Variants in BAHCC1 observed in about 807,000 individuals in gnomAD.
The protein encoded by BAHCC1 is BAH domain and coiled-coil containing 1.
Under a neutral mutation model 88.2 loss-of-function variants are expected in BAHCC1, and 43 were observed. The ratio of observed to expected loss-of-function variants is 0.49; its 90% CI spans 0.38 to 0.63. The LOEUF (loss-of-function observed/expected upper bound fraction) is 0.63, where lower values mean the gene tolerates loss of function less well. Among genes scored for constraint, BAHCC1 ranks in the 20% least tolerant of loss-of-function variants. The pLI is 0.00. For missense variants in BAHCC1, 3,023 were observed against 1,654.8 expected (o/e 1.83, Z -14.34); for synonymous variants, 1,510 against 745.5 (o/e 2.03, Z -16.71).
At position 81,461,171 on chromosome 17, in the gene BAHCC1, G is replaced by C; in HGVS notation, c.6508G>C (p.Gly2170Arg). ...SLASSYAPFVGGTGPGLPRGA... is the reference protein window; with the variant it reads ...SLASSYAPFVRGTGPGLPRGA... ...GGCCAGCTCCTACGCGCCCTTCGTC[G>C]GGGGGACCGGGCCGGGCCTCCCCAG... The change falls in exon 26 of 28, where the codon GGG (glycine) becomes CGG (arginine). Residue 2170 changes from glycine (G) to arginine (R), a missense_variant. Gly to Arg is a moderately radical substitution (Grantham distance 125). Transcript: ENST00000675386. 1.3e-6 allele frequency: 1 copy of C among 751,030 alleles called. No homozygotes were observed. The highest frequency in any genetic ancestry group is 2.4e-6 in the Non-Finnish European group (1 of 409,660). 46.5% of individuals were successfully genotyped at this position (751,030 alleles called of 1,614,324 possible).
chr17:81,426,653 G>T, intron 2 of BAHCC1, 147 bp from the exon 3 acceptor site: 1 of 397,882 alleles, frequency 2.5e-6, no homozygotes, highest in Non-Finnish European at 4.4e-6. Flanking sequence ...CCCATCATCG[G>T]TTTCTTGGAT....
chr17:81,438,835 C>T lies in BAHCC1; in HGVS notation c.481+343C>T, dbSNP rs150272279. The stretch of plus-strand genomic sequence containing the variant: ...CCTTGCCCTGCAGCCCCCAGCAGCC[C>T]GGGGATGGTGGGGTGGCTCAGGAGG... On this transcript the variant is annotated intron_variant, in intron 4 of 27. Coordinates refer to ENST00000675386, the MANE Select transcript of BAHCC1 (RefSeq NM_001377448.1). Among the ~76,000 whole-genome samples, 1,146 of 152,134 alleles carry T rather than the reference C, an allele frequency of 7.5e-3. 4 individuals are homozygous for T. The highest frequency in any genetic ancestry group is 0.013 in the Non-Finnish European group (886 of 67,982).
chr17:81,437,389 C>T (rs946118180), intron 3 of BAHCC1, among the ~76,000 whole-genome samples: 3 of 152,140 alleles, frequency 2.0e-5, no homozygotes, highest in Non-Finnish European at 4.4e-5. Context: ...TGCCAGTGGC[C>T]TGGGGTCTTG....
intron 2 of BAHCC1, chr17:81,415,469 T>C (rs782045343): frequency 1.4e-5 from 7 of 493,052 alleles, no homozygotes; most frequent in South Asian, 1.0e-4. Flanking sequence ...CCCATGTGGT[T>C]GGAGCCAGCT....
chr17:81,410,949 T>C (rs1406783838), intron 2 of BAHCC1, among the ~76,000 whole-genome samples: 1 of 151,834 alleles, frequency 6.6e-6, no homozygotes, highest in South Asian at 2.1e-4. Flanking sequence ...CCAGGGCGGG[T>C]CTCAGACCTC....
chr17:81,414,021 G>C (rs1364007400), intron 2 of BAHCC1, among the ~76,000 whole-genome samples: 1 of 152,230 alleles, frequency 6.6e-6, no homozygotes, highest in East Asian at 1.9e-4. Flanking sequence ...GCTGGCCCTG[G>C]ACCTGGCCTG....
intron 3 of BAHCC1, among the ~76,000 whole-genome samples, chr17:81,431,336 G>A (rs1028308585): frequency 7.4e-6 from 1 of 135,586 alleles, no homozygotes; most frequent in Admixed American, 6.9e-5. Flanking sequence ...CCCCCAGCCC[G>A]CTGAGACTTT....
chr17:81,409,382 C>T (rs1004691832), intron 2 of BAHCC1, among the ~76,000 whole-genome samples: 1 of 152,142 alleles, frequency 6.6e-6, no homozygotes, highest in Non-Finnish European at 1.5e-5. Flanking sequence ...GCTGGAGCTG[C>T]GCCGGCTGAG....
rs2064726279 is a variant in BAHCC1 at position 81,455,264 on chromosome 17, C to T, written c.4446-3C>T. The T allele has an allele frequency of 2.8e-6, 2 of 714,878 alleles. No individual in the cohort carries two copies. The highest frequency in any genetic ancestry group is 3.0e-5 in the South Asian group (2 of 67,600). 44.3% of individuals were successfully genotyped at this position (714,878 alleles called of 1,614,324 possible). A position where few individuals can be genotyped will look rare whatever the true frequency, so the allele number is the denominator to read the frequency against. ...CCCTGCACCCACCACCCCATGCCCC[C>T]AGGGCGGTGCGGACAAGCCTGGGTC... On this transcript the variant is annotated splice_region_variant and splice_polypyrimidine_tract_variant and intron_variant, in intron 14 of 27. Transcript: ENST00000675386.
intron 2 of BAHCC1, among the ~76,000 whole-genome samples, chr17:81,412,627 C>A (rs2063968427): frequency 6.6e-6 from 1 of 152,204 alleles, no homozygotes; most frequent in Non-Finnish European, 1.5e-5. Context: ...TCTGGAGTCA[C>A]CGACTCTCCC....
In BAHCC1 at chr17:81,461,632, G is replaced by A. The variant is rs781886623; in HGVS notation, c.6969G>A (p.Ser2323=). Residue 2323 remains serine, a synonymous_variant, in exon 26 of 28, where the codon TCG becomes TCA. Coordinates refer to ENST00000675386, the MANE Select transcript of BAHCC1 (RefSeq NM_001377448.1). ...CCGTGTCCTCTTCCTCCTCTGGCTC[G>A]TCCACCTCCTCCTCCTCAGGCTCCG... ...RLSVSSSSSG[S]STSSSSGSVS... is the part of the protein sequence containing the mutation. 6.8e-6 allele frequency: 5 copies of A among 738,768 alleles called. No individual in the cohort carries two copies. The highest frequency in any genetic ancestry group is 2.5e-5 in the East Asian group (1 of 39,420). The allele number at this position is 738,768 out of a possible 1,614,324, so 45.8% of individuals were successfully genotyped here.
Position 81,395,496 on chromosome 17 carries a change from C to A in BAHCC1, c.-346C>A, listed in dbSNP as rs1555644759. On this transcript the variant is annotated 5_prime_UTR_variant, in exon 1 of 28. It introduces an in-frame stop codon into an upstream open reading frame of the 5' UTR. Transcript: ENST00000675386. ...GTTTGAGAGCCGCTCTGGATGGGCTCGCTAGAGTCGTTGTTGTGGAAGCGG... is the reference window on the plus strand; with the variant it reads ...GTTTGAGAGCCGCTCTGGATGGGCTAGCTAGAGTCGTTGTTGTGGAAGCGG... 2 of 152,214 alleles carry A rather than the reference C, an allele frequency of 1.3e-5. No individual in the cohort carries two copies. The highest frequency in any genetic ancestry group is 2.4e-5 in the African/African-American group (1 of 41,432). The allele number at this position is 152,214 out of a possible 1,614,324, so 9.4% of individuals were successfully genotyped here. A position where few individuals can be genotyped will look rare whatever the true frequency, so the allele number is the denominator to read the frequency against.
chr17:81,430,287 C>T (rs2064245851), intron 3 of BAHCC1, among the ~76,000 whole-genome samples: 1 of 151,904 alleles, frequency 6.6e-6, no homozygotes, highest in Admixed American at 6.6e-5. Context: ...TCCTGGGGGG[C>T]TCAGCTGGGA....
At chr17:81,445,729 T>TCCCAC in intron 10 of BAHCC1, 48 bp downstream of exon 10, 1 of 701,438 alleles carries the variant, frequency 1.4e-6, no homozygotes, top group South Asian at 1.5e-5. Flanking sequence ...CTCCAAGCCC[T>TCCCAC]CCCACCCCTG....
rs1350593942 is a variant in BAHCC1, at chr17:81,441,276, A to T, written c.482-555A>T. On this transcript the variant is annotated intron_variant, in intron 4 of 27. Transcript: ENST00000675386. ...GGCCATGGATGCTCGTGACGGCTGC[A>T]CGGCAGGGGGAGTGTGCCCAGTGCC... Among the ~76,000 whole-genome samples, 7 of 152,318 alleles carry T rather than the reference A, an allele frequency of 4.6e-5. No individual in the cohort carries two copies. In the East Asian group the frequency reaches 1.4e-3, roughly 29 times the overall value.
At position 81,444,679 on chromosome 17, in the gene BAHCC1, C is replaced by T. The variant is rs782431006; in HGVS notation, c.2524C>T (p.Pro842Ser). Reference protein sequence around the residue: ...MGGHSYGLGHPALHQNLPPGF... With the variant: ...MGGHSYGLGHSALHQNLPPGF... ...CCTCTGCCTCCCAGGCCTGGGGCAC[C>T]CTGCCCTGCACCAGAACCTGCCCCC... Residue 842 changes from proline to serine, a missense_variant, in exon 8 of 28, where the codon CCT becomes TCT. Transcript: ENST00000675386. 3.9e-6 allele frequency: 3 copies of T among 773,674 alleles called. No individual in the cohort carries two copies. Among genetic ancestry groups the T allele is most frequent in the Non-Finnish European group, 4.8e-6 (2 of 417,612 alleles). 47.9% of individuals were successfully genotyped at this position (773,674 alleles called of 1,614,324 possible).
chr17:81,407,404 C>T (rs574447716), intron 2 of BAHCC1: 19 of 520,008 alleles, frequency 3.7e-5, no homozygotes, highest in African/African-American at 1.9e-4. Context: ...CCTCTCTCTC[C>T]GGTCCTTGGA....
rs782492484 is a variant in BAHCC1 at position 81,442,030 on chromosome 17, G to A, written c.681G>A (p.Glu227=). ...TCGTGGGCAAAGAGCTGGGCAGAGAGAAGGCGGGCAAGGCCGCTGAGGGCA... is the reference window on the plus strand; with the variant it reads ...TCGTGGGCAAAGAGCTGGGCAGAGAAAAGGCGGGCAAGGCCGCTGAGGGCA... ...RFLVGKELGR[E]KAGKAAEGKE... is the part of the protein sequence containing the mutation. Residue 227 remains glutamate (E), a synonymous_variant, in exon 5 of 28, where the codon GAG becomes GAA. Coordinates refer to ENST00000675386, the MANE Select transcript of BAHCC1 (RefSeq NM_001377448.1). The A allele has an allele frequency of 4.1e-6, 3 of 724,036 alleles. No individual in the cohort carries two copies. Among genetic ancestry groups the A allele is most frequent in the Admixed American group, 4.0e-5 (2 of 50,576 alleles). 44.9% of individuals were successfully genotyped at this position (724,036 alleles called of 1,614,324 possible). A position where few individuals can be genotyped will look rare whatever the true frequency, so the allele number is the denominator to read the frequency against.
rs1555645620 is a variant in BAHCC1, at chr17:81,399,611, G to A, written c.-129G>A. 7 of 567,366 alleles carry A rather than the reference G, an allele frequency of 1.2e-5. No homozygotes were observed. The highest frequency in any genetic ancestry group is 2.0e-5 in the South Asian group (1 of 50,382). The allele number at this position is 567,366 out of a possible 1,614,324, so 35.1% of individuals were successfully genotyped here. A position where few individuals can be genotyped will look rare whatever the true frequency, so the allele number is the denominator to read the frequency against. ...AGCCCAGTCCTCCCGCGTGCTGACC[G>A]GCCCCGCCGCCACCACCGCCTGTGA... is the stretch of plus-strand genomic sequence containing the variant. On this transcript the variant is annotated 5_prime_UTR_variant, in exon 2 of 28. Transcript: ENST00000675386. This position sits in a 1 kb window ranked among gnomAD's most constrained non-coding sequence, Gnocchi z 4.5.
Sources: allele counts gnomAD v4.1 joint callset (sites outside exome capture counted in the v4.1 genomes callset), GRCh38; gene constraint gnomAD v4.1.1; non-coding constraint Gnocchi (gnomAD v3.1); transcripts MANE v1.5; gene names NCBI Gene and HGNC (gene_info 2026-07-23, HGNC 2026-07-21).